PDE4D: variants seen among roughly 807,000 people sequenced by gnomAD.
PDE4D encodes phosphodiesterase 4D.
Under a neutral mutation model 87.4 loss-of-function variants are expected in PDE4D, and 24 were observed. That is an observed-to-expected ratio of 0.27 (90% CI 0.20 to 0.39). The LOEUF (loss-of-function observed/expected upper bound fraction) is 0.39, where lower values mean the gene tolerates loss of function less well. PDE4D is among the 10% of genes least tolerant of loss of function. The pLI, the probability that PDE4D is intolerant of heterozygous loss-of-function variation, is 1.00. For synonymous variants in PDE4D, 384 were observed against 383.2 expected, an observed-to-expected ratio of 1.00 and a Z score of -0.02; for missense variants, 714 against 1,041.0, an observed-to-expected ratio of 0.69 and a Z score of 4.32.
intron 5 of PDE4D, among the ~76,000 whole-genome samples, chr5:59,175,077 G>A (rs182523380): frequency 2.6e-5 from 4 of 152,294 alleles, no homozygotes; most frequent in Admixed American, 2.6e-4. Context: ...TTACAAGGAA[G>A]GACTGTGCTC....
chr5:59,891,075 T>C (rs1188971894), intron 1 of PDE4D, among the ~76,000 whole-genome samples: 1 of 152,172 alleles, frequency 6.6e-6, no homozygotes, highest in African/African-American at 2.4e-5. Context: ...TTAAATAGAA[T>C]GACAATGATA....
At chr5:60,143,803 C>T (rs1306234943) in intron 2 of PDE4D, among the ~76,000 whole-genome samples, 1 of 152,046 alleles carries the variant, frequency 6.6e-6, no homozygotes, top group Admixed American at 6.6e-5. Flanking sequence ...CTATTTGCTA[C>T]ATTTATATAA....
chr5:59,467,745 G>A (rs1161506218), intron 1 of PDE4D, among the ~76,000 whole-genome samples: 1 of 152,122 alleles, frequency 6.6e-6, no homozygotes, highest in Non-Finnish European at 1.5e-5. Flanking sequence ...CACAGGAATT[G>A]TACATGGAAA....
intron 3 of PDE4D, among the ~76,000 whole-genome samples, chr5:59,943,797 A>T (rs1414534462): frequency 6.6e-6 from 1 of 152,230 alleles, no homozygotes; most frequent in Non-Finnish European, 1.5e-5. Context: ...ATGAGATTGC[A>T]GAATTCCAAA....
At chr5:59,326,653 C>T (rs1431703297) in intron 1 of PDE4D, among the ~76,000 whole-genome samples, 1 of 152,120 alleles carries the variant, frequency 6.6e-6, no homozygotes, top group Non-Finnish European at 1.5e-5. Flanking sequence ...TGTTCTAAAG[C>T]ATTCAACAGC....
At chr5:59,171,884 T>A (rs1221749311) in intron 5 of PDE4D, among the ~76,000 whole-genome samples, 1 of 129,990 alleles carries the variant, frequency 7.7e-6, no homozygotes, top group African/African-American at 3.0e-5. Context: ...AGAAATATAT[T>A]TATTATATAA....
chr5:59,328,262 C>T (rs906136825), intron 1 of PDE4D, among the ~76,000 whole-genome samples: 5 of 152,092 alleles, frequency 3.3e-5, no homozygotes, highest in African/African-American at 1.2e-4. Flanking sequence ...ACCTTGTGTA[C>T]TGCAGTTTTC....
In PDE4D at chr5:59,291,723, A is replaced by G. The variant is rs371836095; in HGVS notation, c.456-75755T>C. On this transcript the variant is annotated intron_variant, in intron 1 of 14. Transcript: ENST00000340635. ...TGTATGCACCAAAATTAAAAATTAA[A>G]AAAAGTAAAAAGAAGTTTTTTTTTT... Among the ~76,000 whole-genome samples, 5 of 140,388 alleles carry G rather than the reference A, an allele frequency of 3.6e-5. No homozygotes were observed. The East Asian group carries it at 8.9e-4, about 25-fold the overall frequency. 92.1% of individuals were successfully genotyped at this position (140,388 alleles called of 152,430 possible).
intron 1 of PDE4D, among the ~76,000 whole-genome samples, chr5:59,821,547 G>C (rs60336391): frequency 0.017 from 2,625 of 152,226 alleles, 60 homozygotes; most frequent in African/African-American, 0.061. Flanking sequence ...GTACAATTCT[G>C]AAGAAATAAA....
intron 1 of PDE4D, among the ~76,000 whole-genome samples, chr5:59,793,918 G>A (rs1032408003): frequency 6.6e-6 from 1 of 152,140 alleles, no homozygotes; most frequent in Non-Finnish European, 1.5e-5. Context: ...CCCTATCCCA[G>A]TGGGCCATCA....
chr5:59,873,522 A>C (rs1478032310), intron 1 of PDE4D, among the ~76,000 whole-genome samples: 1 of 152,214 alleles, frequency 6.6e-6, no homozygotes, highest in Non-Finnish European at 1.5e-5. Flanking sequence ...CCAAGGCTTA[A>C]AAGGGCATGA....
At chr5:59,513,576 T>A (rs1360486172) in intron 1 of PDE4D, among the ~76,000 whole-genome samples, 2 of 152,184 alleles carry the variant, frequency 1.3e-5, no homozygotes, top group African/African-American at 4.8e-5. Context: ...GTTCATAACC[T>A]TCATGAGCAG....
intron 1 of PDE4D, among the ~76,000 whole-genome samples, chr5:59,381,599 C>T (rs925781355): frequency 6.6e-6 from 1 of 152,052 alleles, no homozygotes; most frequent in Non-Finnish European, 1.5e-5. Flanking sequence ...AATGAAAGCA[C>T]GGTGCACAAT....
intron 1 of PDE4D, among the ~76,000 whole-genome samples, chr5:59,469,205 G>A (rs1802044921): frequency 1.3e-5 from 2 of 152,050 alleles, no homozygotes; most frequent in Non-Finnish European, 2.9e-5. Flanking sequence ...GCGGGTGCCT[G>A]TAGTCCCAGC....
intron 1 of PDE4D, among the ~76,000 whole-genome samples, chr5:59,495,239 T>C (rs942714211): frequency 4.6e-5 from 7 of 152,218 alleles, no homozygotes; most frequent in African/African-American, 1.4e-4. Context: ...TCAGAAGTAG[T>C]CTCCCCACTT....
intron 1 of PDE4D, among the ~76,000 whole-genome samples, chr5:60,436,971 A>G (rs1297512229): frequency 1.3e-5 from 2 of 152,054 alleles, no homozygotes; most frequent in African/African-American, 4.8e-5. Context: ...ATGTTTTAAA[A>G]ACAAAATTCA....
chr5:60,428,839 A>G (rs916094737), intron 1 of PDE4D, among the ~76,000 whole-genome samples: 2 of 152,236 alleles, frequency 1.3e-5, no homozygotes, highest in Non-Finnish European at 2.9e-5. Context: ...TATAAAAAGA[A>G]TAAGTGAATG....
At position 59,816,595 on chromosome 5, in the gene PDE4D, T is replaced by C. The variant is rs115144530; in HGVS notation, c.455+76573A>G. On this transcript the variant is annotated intron_variant, in intron 1 of 14. Transcript: ENST00000340635. ...GATAGCAGCATGGCCTGTGAGTCTT[T>C]GGTCGTCTTTTTGGGGATATACAAT... Among the ~76,000 whole-genome samples the C allele has an allele frequency of 2.3e-3, 355 of 152,330 alleles. 2 individuals carry two copies. Among genetic ancestry groups the C allele is most frequent in the Non-Finnish European group, 2.4e-3 (163 of 68,034 alleles).
chr5:59,640,082 C>G (rs185225625), intron 1 of PDE4D, among the ~76,000 whole-genome samples: 8 of 152,146 alleles, frequency 5.3e-5, no homozygotes, highest in Admixed American at 4.6e-4. Flanking sequence ...CATCAATGCT[C>G]CCAGTGAAGA....
Sources: allele counts gnomAD v4.1 joint callset (sites outside exome capture counted in the v4.1 genomes callset), GRCh38; gene constraint gnomAD v4.1.1; transcripts MANE v1.5; gene names NCBI Gene and HGNC (gene_info 2026-07-23, HGNC 2026-07-21).